Variants in CYP51A1 observed in about 807,000 individuals in gnomAD.
CYP51A1 encodes cytochrome P450 family 51 subfamily A member 1.
Under a neutral mutation model 53.5 loss-of-function variants are expected in CYP51A1, and 45 were observed. The observed-to-expected ratio is 0.84, with a 90% CI of 0.66 to 1.08. The LOEUF (loss-of-function observed/expected upper bound fraction) is 1.08, where lower values mean the gene tolerates loss of function less well. Among genes scored for constraint, CYP51A1 ranks in the 50% least tolerant of loss-of-function variants. The pLI is 0.00. For missense variants in CYP51A1, 462 were observed against 621.7 expected (o/e 0.74, Z 2.73); for synonymous variants, 181 against 217.7 (o/e 0.83, Z 1.48).
Position 92,134,392 on chromosome 7 carries a change from AG to A in CYP51A1, c.-29del. 1 of 1,538,290 alleles carries A rather than the reference AG, an allele frequency of 6.5e-7. No homozygotes were observed. The highest frequency in any genetic ancestry group is 1.2e-5 in the South Asian group (1 of 81,930). On this transcript the variant is annotated 5_prime_UTR_variant, in exon 1 of 10. Coordinates refer to ENST00000003100, the MANE Select transcript of CYP51A1 (RefSeq NM_000786.4). ...ACTCCGTCGGAAACACTGAAGGCCG[AG>A]GTCGCCACCGCTCCTCCCAATCGAC... is the stretch of plus-strand genomic sequence containing the variant.
Position 92,134,220 on chromosome 7 carries a change from G to A in CYP51A1, c.145C>T (p.Leu49=). ...AGGTGGCCGGCGGCCAGACGGATCAGGTAGACCAGGCTGAGGGTGAAGGCG... is the reference window on the plus strand; with the variant it reads ...AGGTGGCCGGCGGCCAGACGGATCAAGTAGACCAGGCTGAGGGTGAAGGCG... ...ACAFTLSLVY[L]IRLAAGHLVQ... Residue 49 remains leucine (L), a synonymous_variant, in exon 1 of 10, where the codon CTG becomes TTG. Coordinates refer to ENST00000003100, the MANE Select transcript of CYP51A1 (RefSeq NM_000786.4). 3.1e-6 allele frequency: 5 copies of A among 1,613,226 alleles called. No homozygotes were observed. Among genetic ancestry groups the A allele is most frequent in the East Asian group, 2.2e-5 (1 of 44,872 alleles).
At chr7:92,133,048 A>T (rs762709831) in intron 1 of CYP51A1, among the ~76,000 whole-genome samples, 20 of 152,306 alleles carry the variant, frequency 1.3e-4, no homozygotes, top group South Asian at 4.1e-4. Context: ...GTGTAGGAAA[A>T]AAATAAATAA....
rs1046740950 is a variant in CYP51A1, at chr7:92,113,774, C to T, written c.1421G>A (p.Arg474His). ...ATCAATGAGATCAAATTCATATAAA[C>T]GAAGCATAGTGGACCAAATTGTCTT... is the stretch of plus-strand genomic sequence containing the variant. ...QIKTIWSTML[R>H]LYEFDLIDGY... The change falls in exon 10 of 10, where the codon CGT (arginine) becomes CAT (histidine). Residue 474 changes from arginine to histidine, a missense_variant. Transcript: ENST00000003100. 6 of 1,612,686 alleles carry T rather than the reference C, an allele frequency of 3.7e-6. No homozygotes were observed. The highest frequency in any genetic ancestry group is 2.2e-5 in the East Asian group (1 of 44,762).
At chr7:92,123,067 C>T (rs911451952) in intron 7 of CYP51A1, 53 bp downstream of exon 7, 1 of 1,386,632 alleles carries the variant, frequency 7.2e-7, no homozygotes. Flanking sequence ...TAAAAATTAG[C>T]CACAGATCCT....
chr7:92,122,889 C>T (rs1303166285), intron 7 of CYP51A1, among the ~76,000 whole-genome samples: 1 of 152,192 alleles, frequency 6.6e-6, no homozygotes, highest in Non-Finnish European at 1.5e-5. Context: ...ACCAAAGAAA[C>T]ATCCCCAAGG....
intron 1 of CYP51A1, 38 bp downstream of exon 1, chr7:92,134,135 G>A (rs1819988983): frequency 5.0e-6 from 8 of 1,599,266 alleles, no homozygotes; most frequent in Non-Finnish European, 6.0e-6. Context: ...CCTCAGCTGC[G>A]GCGCGCGCCC....
upstream of CYP51A1, chr7:92,134,562 T>TA: frequency 1.7e-6 from 1 of 584,418 alleles, no homozygotes; most frequent in Non-Finnish European, 3.0e-6. Context: ...CCACGCCCCT[T>TA]AAATAACACT....
chr7:92,134,796 C>G (rs1034638299), upstream of CYP51A1: 2 of 171,170 alleles, frequency 1.2e-5, no homozygotes, highest in African/African-American at 2.4e-5. Context: ...GGCGACGGCG[C>G]GCTCTGTGAT....
In CYP51A1 at chr7:92,131,710, A is replaced by G. The variant is rs1419477942; in HGVS notation, c.291+64T>C. ...TTAAATGTTCTGCCACTTTTTTAAAAAAGTTTAAAAAGCACTTCTCTAGTT... is the reference window on the plus strand; with the variant it reads ...TTAAATGTTCTGCCACTTTTTTAAAGAAGTTTAAAAAGCACTTCTCTAGTT... On this transcript the variant is annotated intron_variant, in intron 2 of 9. Coordinates refer to ENST00000003100, the MANE Select transcript of CYP51A1 (RefSeq NM_000786.4). The G allele has an allele frequency of 2.0e-5, 18 of 893,596 alleles. No individual in the cohort carries two copies. The Admixed American group carries it at 4.3e-4, about 21-fold the overall frequency. 55.4% of individuals were successfully genotyped at this position (893,596 alleles called of 1,614,324 possible). A position where few individuals can be genotyped will look rare whatever the true frequency, so the allele number is the denominator to read the frequency against.
At chr7:92,133,388 G>A (rs1819964395) in intron 1 of CYP51A1, among the ~76,000 whole-genome samples, 1 of 152,000 alleles carries the variant, frequency 6.6e-6, no homozygotes, top group African/African-American at 2.4e-5. Context: ...CCAAGCAGCT[G>A]GGACTACAGG....
chr7:92,134,046 A>G (rs913482405), intron 1 of CYP51A1, 127 bp downstream of exon 1: 3 of 874,952 alleles, frequency 3.4e-6, no homozygotes, highest in Admixed American at 3.2e-5. Flanking sequence ...CACGCCAAGC[A>G]TGGCCGCAGT....
At chr7:92,125,074 G>A (rs1819770317) in intron 5 of CYP51A1, among the ~76,000 whole-genome samples, 1 of 149,048 alleles carries the variant, frequency 6.7e-6, no homozygotes, top group African/African-American at 2.5e-5. Context: ...AACCTGGGAA[G>A]CAGAGCTTGC....
rs192843518 is a variant in CYP51A1 at position 92,132,497 on chromosome 7, A to G, written c.193-625T>C. Among the ~76,000 whole-genome samples the G allele has an allele frequency of 1.3e-3, 161 of 124,000 alleles. 1 individual carries two copies. Among genetic ancestry groups the G allele is most frequent in the African/African-American group, 4.6e-3 (151 of 32,928 alleles). The allele number at this position is 124,000 out of a possible 152,430, so 81.3% of individuals were successfully genotyped here. On this transcript the variant is annotated intron_variant, in intron 1 of 9. Transcript: ENST00000003100. ...TGTATTGGGTTTTTTTCCCCTGGGT[A>G]TTTTAGATCTACACTTGGCTGAATT... is the stretch of plus-strand genomic sequence containing the variant.
chr7:92,128,467 T>TGTGTGC (rs1251635900), intron 3 of CYP51A1, among the ~76,000 whole-genome samples: 5 of 150,444 alleles, frequency 3.3e-5, no homozygotes, highest in South Asian at 2.1e-4. Context: ...CGCGTGCGTG[T>TGTGTGC]GTGTGTGTGT....
chr7:92,116,080 T>G (rs1256036754), intron 9 of CYP51A1, among the ~76,000 whole-genome samples: 1 of 152,206 alleles, frequency 6.6e-6, no homozygotes, highest in Non-Finnish European at 1.5e-5. Context: ...GAGACCAGCC[T>G]GGCCAACATG....
intron 5 of CYP51A1, 106 bp from the exon 6 acceptor site, chr7:92,123,959 A>T (rs2130949725): frequency 1.2e-6 from 1 of 810,782 alleles, no homozygotes; most frequent in South Asian, 2.1e-5. Context: ...TATTTAACCA[A>T]CTTTAATGAC....
chr7:92,118,519 C>T lies in CYP51A1; in HGVS notation c.1182+1G>A. On this transcript the variant is annotated splice_donor_variant, in intron 8 of 9. Transcript: ENST00000003100. LOFTEE classifies it high-confidence loss of function. ...GGGGAAGATGTAGCCAAGATACTCA[C>T]CTGAGGAGTTCTGGCCATTCTCATC... 1 of 1,522,286 alleles carries T rather than the reference C, an allele frequency of 6.6e-7. No homozygotes were observed. Among genetic ancestry groups the T allele is most frequent in the African/African-American group, 1.4e-5 (1 of 73,132 alleles). The allele number at this position is 1,522,286 out of a possible 1,614,324, so 94.3% of individuals were successfully genotyped here.
chr7:92,117,683 G>A (rs1450843302), intron 8 of CYP51A1, among the ~76,000 whole-genome samples: 1 of 152,152 alleles, frequency 6.6e-6, no homozygotes, highest in African/African-American at 2.4e-5. Flanking sequence ...TGCAGAACAT[G>A]ATTAGCATTA....
At chr7:92,125,837 A>G (rs1819788279) in intron 5 of CYP51A1, among the ~76,000 whole-genome samples, 1 of 152,156 alleles carries the variant, frequency 6.6e-6, no homozygotes, top group Non-Finnish European at 1.5e-5. Context: ...CTCTACTAAA[A>G]ATAGAAAAAT....
Sources: allele counts gnomAD v4.1 joint callset (sites outside exome capture counted in the v4.1 genomes callset), GRCh38; gene constraint gnomAD v4.1.1; transcripts MANE v1.5; gene names NCBI Gene and HGNC (gene_info 2026-07-23, HGNC 2026-07-21).